THSD7B: variants seen among roughly 807,000 people sequenced by gnomAD.
THSD7B encodes thrombospondin type 1 domain containing 7B, also known as thrombospondin type-1 domain-containing protein 7B.
A neutral mutation model predicts 213.6 loss-of-function variants in THSD7B; 138 were observed. The observed-to-expected ratio is 0.65, with a 90% CI of 0.56 to 0.74. THSD7B has a LOEUF of 0.74. THSD7B is among the 30% of genes least tolerant of loss of function. THSD7B has a pLI of 0.00. For synonymous variants in THSD7B, 742 were observed against 687.0 expected (o/e 1.08, Z -1.25); for missense variants, 1,931 against 1,991.5 (o/e 0.97, Z 0.58).
chr2:136,859,803 G>C (rs554069254), intron 1 of THSD7B, among the ~76,000 whole-genome samples: 1 of 152,182 alleles, frequency 6.6e-6, no homozygotes, highest in Non-Finnish European at 1.5e-5. Flanking sequence ...GCCCAGCACT[G>C]AAAGTGTCAG....
chr2:136,890,443 TTC>T (rs755144223), intron 2 of THSD7B, among the ~76,000 whole-genome samples: 379 of 2,826 alleles, frequency 0.13, 137 homozygotes, highest in South Asian at 0.27. Flanking sequence ...CTTCTTCTTC[TTC>T]TTCTTCTTCT....
At chr2:136,878,458 G>A (rs1486566321) in intron 1 of THSD7B, among the ~76,000 whole-genome samples, 41 of 152,122 alleles carry the variant, frequency 2.7e-4, no homozygotes. Context: ...GGGTCAAATG[G>A]TATTTCTAGT....
intron 3 of THSD7B, among the ~76,000 whole-genome samples, chr2:137,086,624 A>G (rs969767702): frequency 2.0e-5 from 3 of 152,178 alleles, no homozygotes; most frequent in Admixed American, 2.0e-4. Flanking sequence ...ATTGATTCCA[A>G]TTATTAGGTG....
chr2:137,664,964 G>T (rs1468450402), intron 26 of THSD7B, among the ~76,000 whole-genome samples: 2 of 152,160 alleles, frequency 1.3e-5, no homozygotes, highest in African/African-American at 4.8e-5. Flanking sequence ...GAAATGTCTT[G>T]ATGACCTGTT....
At chr2:137,114,327 A>G (rs929321145) in intron 4 of THSD7B, among the ~76,000 whole-genome samples, 2 of 152,222 alleles carry the variant, frequency 1.3e-5, no homozygotes, top group African/African-American at 4.8e-5. Context: ...ATAATCCACA[A>G]AAGGAAATTC....
chr2:136,971,639 T>TACACAC (rs6146927), intron 2 of THSD7B, among the ~76,000 whole-genome samples: 16,787 of 135,168 alleles, frequency 0.12, 1,541 homozygotes, highest in African/African-American at 0.25. Flanking sequence ...CAACAACAAA[T>TACACAC]ACACACACAC....
chr2:137,252,997 A>G lies in THSD7B; in HGVS notation c.2266+10425A>G, dbSNP rs544752694. ...GAATTAGGTAGAAATATAGAAAAGG[A>G]AAATGAAGCTCCAGAGAATAGAAAT... On this transcript the variant is annotated intron_variant, in intron 10 of 27. Coordinates refer to ENST00000409968, the MANE Select transcript of THSD7B (RefSeq NM_001316349.2). Among the ~76,000 whole-genome samples, 4 of 150,784 alleles carry G rather than the reference A, an allele frequency of 2.7e-5. No individual in the cohort carries two copies. The South Asian group carries it at 6.3e-4, about 24-fold the overall frequency.
chr2:137,380,096 G>A lies in THSD7B; in HGVS notation c.2501-25517G>A, dbSNP rs149517105. Among the ~76,000 whole-genome samples the A allele has an allele frequency of 2.5e-3, 377 of 152,276 alleles. 2 individuals are homozygous for A. The highest frequency in any genetic ancestry group is 0.02 in the Middle Eastern group (6 of 294). ...GCTTCTGGTAGACAGTTTAGAGCAC[G>A]TGTGTCCATTGTAGAGTCAACAAAA... is the stretch of plus-strand genomic sequence containing the variant. On this transcript the variant is annotated intron_variant, in intron 12 of 27. Transcript: ENST00000409968.
intron 2 of THSD7B, among the ~76,000 whole-genome samples, chr2:137,055,293 TC>T (rs1207171203): frequency 6.6e-6 from 1 of 152,142 alleles, no homozygotes; most frequent in African/African-American, 2.4e-5. Flanking sequence ...TTGGGATCAA[TC>T]CTTTATACCC....
intron 21 of THSD7B, among the ~76,000 whole-genome samples, chr2:137,651,378 CTG>C (rs1383333960): frequency 6.6e-6 from 1 of 151,840 alleles, no homozygotes; most frequent in Non-Finnish European, 1.5e-5. Flanking sequence ...TCATAATATA[CTG>C]TAATTATTAT....
At chr2:137,612,540 G>A (rs944633804) in intron 17 of THSD7B, among the ~76,000 whole-genome samples, 7 of 152,120 alleles carry the variant, frequency 4.6e-5, no homozygotes, top group African/African-American at 1.7e-4. Context: ...AGGCTGGGAT[G>A]TATGATCCAG....
At chr2:137,522,416 C>G (rs1341052720) in intron 15 of THSD7B, among the ~76,000 whole-genome samples, 2 of 152,178 alleles carry the variant, frequency 1.3e-5, no homozygotes, top group Non-Finnish European at 2.9e-5. Context: ...TTGTGACTGC[C>G]TTGCATGCAT....
chr2:136,877,827 TG>T (rs747378304), intron 1 of THSD7B, among the ~76,000 whole-genome samples: 1 of 151,888 alleles, frequency 6.6e-6, no homozygotes, highest in East Asian at 1.9e-4. Flanking sequence ...TGTCTTTTCC[TG>T]GGGGGAAAAA....
intron 1 of THSD7B, among the ~76,000 whole-genome samples, chr2:136,771,844 G>A (rs1681511701): frequency 6.6e-6 from 1 of 152,056 alleles, no homozygotes; most frequent in Admixed American, 6.5e-5. Flanking sequence ...GGAGAGTAGG[G>A]GCCTGGGTAA....
chr2:137,541,870 GAATTCA>G (rs71748448), intron 15 of THSD7B, among the ~76,000 whole-genome samples: 6,353 of 151,492 alleles, frequency 0.042, 240 homozygotes, highest in African/African-American at 0.1. Context: ...AAAAATCAGT[GAATTCA>G]AATATATGCC....
At chr2:136,929,410 C>T (rs572783453) in intron 2 of THSD7B, among the ~76,000 whole-genome samples, 4 of 152,260 alleles carry the variant, frequency 2.6e-5, no homozygotes, top group South Asian at 4.1e-4. Context: ...TATTAAAGTA[C>T]GTACATCTTG....
intron 2 of THSD7B, among the ~76,000 whole-genome samples, chr2:137,051,026 T>C (rs1383043962): frequency 1.3e-5 from 2 of 152,208 alleles, no homozygotes; most frequent in African/African-American, 4.8e-5. Flanking sequence ...AATATAGACT[T>C]GGAAACTCTC....
chr2:137,533,349 C>T (rs1680435940), intron 15 of THSD7B, among the ~76,000 whole-genome samples: 1 of 151,850 alleles, frequency 6.6e-6, no homozygotes, highest in Admixed American at 6.6e-5. Context: ...TCTCTCCTCT[C>T]TATAATTACA....
chr2:136,867,050 G>A (rs1683345470), intron 1 of THSD7B, among the ~76,000 whole-genome samples: 1 of 151,784 alleles, frequency 6.6e-6, no homozygotes, highest in Non-Finnish European at 1.5e-5. Flanking sequence ...AACATCTACT[G>A]TCACCCAGTG....
Sources: gnomAD v4.1 joint callset for allele counts (sites outside exome capture counted in the v4.1 genomes callset) on GRCh38, gnomAD v4.1.1 for gene constraint, MANE v1.5 for transcripts, NCBI Gene and HGNC (gene_info 2026-07-23, HGNC 2026-07-21) for gene names.